The following KIAA0753 variants were observed in gnomAD, a reference collection of about 807,000 sequenced individuals.
The protein encoded by KIAA0753 is KIAA0753, also known as protein moonraker.
KIAA0753 carries 114 observed loss-of-function variants against 116.9 expected under a neutral mutation model. The ratio of observed to expected loss-of-function variants is 0.98; its 90% confidence interval spans 0.84 to 1.14. The LOEUF (loss-of-function observed/expected upper bound fraction) is 1.14, where lower values mean the gene tolerates loss of function less well. Ranked by LOEUF, KIAA0753 falls within the 50% of genes most tolerant of loss-of-function variation. KIAA0753 has a pLI of 0.00. For synonymous variants in KIAA0753, 405 were observed against 413.1 expected (o/e 0.98, Z 0.24); for missense variants, 1,156 against 1,172.4 (o/e 0.99, Z 0.20).
chr17:6,590,656 C>A (rs1394055654), intron 16 of KIAA0753, 26 bp from the exon 17 acceptor site: 1 of 1,612,252 alleles, frequency 6.2e-7, no homozygotes, highest in Non-Finnish European at 8.5e-7. Flanking sequence ...CATAAAATGA[C>A]TGCATATAAA....
chr17:6,635,720 C>G (rs768269502), intron 1 of KIAA0753: 1 of 152,514 alleles, frequency 6.6e-6, no homozygotes. Flanking sequence ...TTCCCCCAAT[C>G]TTTCCCCCAC....
At chr17:6,627,176 C>A (rs191802356) in intron 3 of KIAA0753, among the ~76,000 whole-genome samples, 3 of 152,206 alleles carry the variant, frequency 2.0e-5, no homozygotes, top group Admixed American at 2.0e-4. Flanking sequence ...AGTGATTTGA[C>A]GTTCCCTCTT....
At chr17:6,631,252 C>A (rs1972007486) in intron 2 of KIAA0753, among the ~76,000 whole-genome samples, 1 of 152,094 alleles carries the variant, frequency 6.6e-6, no homozygotes, top group South Asian at 2.1e-4. Context: ...AAAAATTAAC[C>A]CCAGTAACTT....
At chr17:6,623,864 C>T (rs752063438) in intron 4 of KIAA0753, 14 of 275,948 alleles carry the variant, frequency 5.1e-5, no homozygotes, top group East Asian at 3.7e-4. Flanking sequence ...CGGGCCGGAT[C>T]GTGAAGTCTT....
rs1053239217 is a variant in KIAA0753, at chr17:6,578,816, T to C, written c.*931A>G. 1 of 151,920 alleles carries C rather than the reference T, an allele frequency of 6.6e-6. No individual in the cohort carries two copies. The highest frequency in any genetic ancestry group is 1.5e-5 in the Non-Finnish European group (1 of 67,888). 9.4% of individuals were successfully genotyped at this position (151,920 alleles called of 1,614,324 possible). On this transcript the variant is annotated 3_prime_UTR_variant, in exon 19 of 19. Coordinates refer to ENST00000361413, the MANE Select transcript of KIAA0753 (RefSeq NM_014804.3). ...GGCTTTTCTCTTGGAAAACATGATCTGTAAGATGTTGGAGGACCAGGCTAT... is the reference window on the plus strand; with the variant it reads ...GGCTTTTCTCTTGGAAAACATGATCCGTAAGATGTTGGAGGACCAGGCTAT...
chr17:6,581,368 T>C (rs142984967), intron 18 of KIAA0753, among the ~76,000 whole-genome samples: 3 of 152,284 alleles, frequency 2.0e-5, no homozygotes, highest in African/African-American at 4.8e-5. Context: ...CACAGAAGGA[T>C]AGTGTGTCCC....
chr17:6,590,382 G>T, intron 17 of KIAA0753, 128 bp downstream of exon 17: 1 of 1,073,378 alleles, frequency 9.3e-7, no homozygotes, highest in Non-Finnish European at 1.4e-6. Flanking sequence ...CAGCCATCTT[G>T]GAGTTTGGCA....
intron 3 of KIAA0753, among the ~76,000 whole-genome samples, chr17:6,627,654 C>T (rs1041087010): frequency 5.9e-5 from 9 of 152,246 alleles, no homozygotes; most frequent in Non-Finnish European, 1.3e-4. Context: ...ATACCCACAA[C>T]TTCCCTTGTC....
At chr17:6,587,263 A>C (rs769108674) in intron 18 of KIAA0753, among the ~76,000 whole-genome samples, 1 of 152,174 alleles carries the variant, frequency 6.6e-6, no homozygotes, top group Non-Finnish European at 1.5e-5. Flanking sequence ...TAAAAAAAGA[A>C]GAGATAAAAA....
intron 13 of KIAA0753, 101 bp from the exon 14 acceptor site, chr17:6,599,421 T>A: frequency 1.2e-6 from 1 of 819,258 alleles, no homozygotes; most frequent in Non-Finnish European, 2.0e-6. Context: ...GAACTATTCA[T>A]CAGCTTTAGC....
chr17:6,609,943 G>A (rs980769083), intron 9 of KIAA0753, 51 bp downstream of exon 9: 1 of 1,589,624 alleles, frequency 6.3e-7, no homozygotes. Context: ...TTTGATATAT[G>A]GAGGAAAAAG....
rs758311802 is a variant in KIAA0753, at chr17:6,599,219, A to G, written c.2172+18T>C. On this transcript the variant is annotated intron_variant, in intron 14 of 18. Coordinates refer to ENST00000361413, the MANE Select transcript of KIAA0753 (RefSeq NM_014804.3). ...ATCAAGCAATAATACCAGAATGCCAATATCACACAACGCATACCTCCTGTG... is the reference window on the plus strand; with the variant it reads ...ATCAAGCAATAATACCAGAATGCCAGTATCACACAACGCATACCTCCTGTG... 9 of 1,582,448 alleles carry G rather than the reference A, an allele frequency of 5.7e-6. No homozygotes were observed. The highest frequency in any genetic ancestry group is 5.0e-5 in the Admixed American group (3 of 59,838).
intron 7 of KIAA0753, among the ~76,000 whole-genome samples, chr17:6,614,514 G>GA (rs1016042394): frequency 4.0e-5 from 6 of 149,364 alleles, no homozygotes; most frequent in Non-Finnish European, 8.9e-5. Context: ...AAGTGGGGGG[G>GA]GGTAAGCAAA....
chr17:6,632,172 G>A (rs1972055855), intron 2 of KIAA0753, among the ~76,000 whole-genome samples: 1 of 152,112 alleles, frequency 6.6e-6, no homozygotes, highest in Admixed American at 6.5e-5. Flanking sequence ...AAAGTGCTGG[G>A]ATTACAGGCA....
intron 18 of KIAA0753, among the ~76,000 whole-genome samples, chr17:6,588,756 G>A (rs1968769243): frequency 6.6e-6 from 1 of 151,940 alleles, no homozygotes; most frequent in Non-Finnish European, 1.5e-5. Flanking sequence ...TTAAATGTGG[G>A]CCCTGTTTAA....
intron 12 of KIAA0753, among the ~76,000 whole-genome samples, chr17:6,605,155 T>C (rs1970115579): frequency 6.7e-6 from 1 of 149,556 alleles, no homozygotes; most frequent in Admixed American, 6.7e-5. Context: ...GCAAGTAAAC[T>C]GAAGAAGATT....
intron 8 of KIAA0753, among the ~76,000 whole-genome samples, chr17:6,610,536 T>TTA (rs1970471626): frequency 6.8e-6 from 1 of 147,988 alleles, no homozygotes; most frequent in Non-Finnish European, 1.5e-5. Context: ...TTTTTTTTTT[T>TTA]AAGAGACAGG....
Position 6,628,870 on chromosome 17 carries a change from TA to T in KIAA0753, c.94-130del, listed in dbSNP as rs372710956. 674 of 865,452 alleles carry T rather than the reference TA, an allele frequency of 7.8e-4. 5 individuals carry two copies. In the African/African-American group the frequency reaches 0.011, roughly 14 times the overall value. The allele number at this position is 865,452 out of a possible 1,614,324, so 53.6% of individuals were successfully genotyped here. A position where few individuals can be genotyped will look rare whatever the true frequency, so the allele number is the denominator to read the frequency against. ...AGTGCTAAGAGGCATTTTTCTGTTT[TA>T]CTGATAGACACAGCCACGCTCCTAC... On this transcript the variant is annotated intron_variant, in intron 2 of 18. Transcript: ENST00000361413.
At chr17:6,604,136 G>A (rs768623130) in intron 12 of KIAA0753, among the ~76,000 whole-genome samples, 1 of 152,166 alleles carries the variant, frequency 6.6e-6, no homozygotes, top group Non-Finnish European at 1.5e-5. Flanking sequence ...TGCCCTCTGG[G>A]CATTTATCCC....
Sources: gnomAD v4.1 joint callset for allele counts (sites outside exome capture counted in the v4.1 genomes callset) on GRCh38, gnomAD v4.1.1 for gene constraint, MANE v1.5 for transcripts, NCBI Gene and HGNC (gene_info 2026-07-23, HGNC 2026-07-21) for gene names.